SLC39A10: variants seen among roughly 807,000 people sequenced by gnomAD.
The protein encoded by SLC39A10 is zinc transporter ZIP10.
A neutral mutation model predicts 65.1 loss-of-function variants in SLC39A10; 13 were observed. The ratio of observed to expected loss-of-function variants is 0.20; its 90% confidence interval spans 0.13 to 0.32. SLC39A10 has a LOEUF of 0.32. Ranked by LOEUF, SLC39A10 falls within the 10% of genes least tolerant of loss-of-function variation. The probability of loss-of-function intolerance (pLI) is 1.00; values close to 1 mark genes in which losing one functional copy is unlikely to be tolerated. For missense variants in SLC39A10, 831 were observed against 1,018.4 expected (o/e 0.82, Z 2.50); for synonymous variants, 321 against 342.2 (o/e 0.94, Z 0.68).
intron 6 of SLC39A10, among the ~76,000 whole-genome samples, chr2:195,713,980 G>A (rs1451161176): frequency 1.3e-5 from 2 of 151,660 alleles, no homozygotes; most frequent in Non-Finnish European, 2.9e-5. Context: ...AGGCTGGAGT[G>A]CAGTAGCGCC....
At chr2:195,721,112 T>C (rs1287561633) in intron 8 of SLC39A10, among the ~76,000 whole-genome samples, 1 of 152,012 alleles carries the variant, frequency 6.6e-6, no homozygotes, top group African/African-American at 2.4e-5. Context: ...CAGCTAATTT[T>C]TGTATTTTTG....
At chr2:195,636,110 T>C (rs1187137431) in intron 2 of SLC39A10, among the ~76,000 whole-genome samples, 1 of 152,224 alleles carries the variant, frequency 6.6e-6, no homozygotes, top group Non-Finnish European at 1.5e-5. Flanking sequence ...TTTAATGTAG[T>C]ATTAAAGAAG....
At chr2:195,691,098 C>G (rs1033534143) in intron 3 of SLC39A10, among the ~76,000 whole-genome samples, 1 of 152,054 alleles carries the variant, frequency 6.6e-6, no homozygotes, top group Non-Finnish European at 1.5e-5. Context: ...TGAGAACATA[C>G]GATGTTTGGT....
intron 2 of SLC39A10, among the ~76,000 whole-genome samples, chr2:195,616,672 C>T (rs1354805166): frequency 2.0e-5 from 3 of 151,532 alleles, no homozygotes; most frequent in South Asian, 2.1e-4. Context: ...GGTGCCATCT[C>T]GGCTCACTGC....
At chr2:195,658,446 G>T (rs1689253542) in intron 1 of SLC39A10, 1 of 152,134 alleles carries the variant, frequency 6.6e-6, no homozygotes, top group Non-Finnish European at 1.5e-5. Flanking sequence ...TTTTTTAAAA[G>T]AAACTTTTAT....
intron 8 of SLC39A10, among the ~76,000 whole-genome samples, chr2:195,726,598 A>G (rs1467003654): frequency 1.3e-5 from 2 of 152,304 alleles, no homozygotes; most frequent in African/African-American, 4.8e-5. Context: ...AAACTGGACA[A>G]TTACAACTTA....
intron 1 of SLC39A10, among the ~76,000 whole-genome samples, chr2:195,668,174 A>G (rs1689708583): frequency 1.3e-5 from 2 of 152,212 alleles, no homozygotes; most frequent in Non-Finnish European, 2.9e-5. Flanking sequence ...AGGAAACTAA[A>G]TTGATATTTG....
chr2:195,734,253 C>T (rs555576113), intron 9 of SLC39A10, among the ~76,000 whole-genome samples: 28 of 151,160 alleles, frequency 1.9e-4, no homozygotes, highest in African/African-American at 6.6e-4. Flanking sequence ...TCACTGCAAC[C>T]TTTGCCTCCC....
At chr2:195,638,474 A>C (rs1688736221) in intron 2 of SLC39A10, among the ~76,000 whole-genome samples, 1 of 151,838 alleles carries the variant, frequency 6.6e-6, no homozygotes, top group Non-Finnish European at 1.5e-5. Flanking sequence ...CGAGTAGCTG[A>C]GACTACAGGC....
chr2:195,657,319 C>T lies in SLC39A10; in HGVS notation c.-12+38C>T, dbSNP rs571773548. The T allele has an allele frequency of 6.5e-6, 6 of 925,326 alleles. No individual in the cohort carries two copies. In the South Asian group the frequency reaches 3.0e-4, roughly 46 times the overall value. 57.3% of individuals were successfully genotyped at this position (925,326 alleles called of 1,614,324 possible). A position where few individuals can be genotyped will look rare whatever the true frequency, so the allele number is the denominator to read the frequency against. On this transcript the variant is annotated intron_variant, in intron 1 of 9. Transcript: ENST00000359634. ...CCCCGATTTGTTTACATTCCCTCCC[C>T]CAGAACCGGCCCCGTGCGCGGCGGA...
chr2:195,733,421 T>C (rs746054443), intron 9 of SLC39A10, among the ~76,000 whole-genome samples: 3 of 152,238 alleles, frequency 2.0e-5, no homozygotes, highest in Non-Finnish European at 2.9e-5. Flanking sequence ...TCCACAAATC[T>C]TATTTACTTA....
In SLC39A10 at chr2:195,728,166, T is replaced by C; in HGVS notation, c.2154T>C (p.Phe718=). The C allele has an allele frequency of 6.2e-7, 1 of 1,607,692 alleles. No homozygotes were observed. Among genetic ancestry groups the C allele is most frequent in the Non-Finnish European group, 8.5e-7 (1 of 1,175,380 alleles). ...CHELPHELGD[F]AVLLKAGMTV... ...ATTGTTTCTTAATTGCAGGAGATTT[T>C]GCAGTTCTTCTTAAAGCAGGCATGA... Residue 718 remains phenylalanine, a synonymous_variant, in exon 9 of 10, where the codon TTT becomes TTC. Coordinates refer to ENST00000359634, the MANE Select transcript of SLC39A10 (RefSeq NM_020342.3). This position sits in a 1 kb window ranked among gnomAD's most constrained non-coding sequence, Gnocchi z 4.4.
At chr2:195,663,708 A>G (rs1559021885) in intron 1 of SLC39A10, among the ~76,000 whole-genome samples, 2 of 107,916 alleles carry the variant, frequency 1.9e-5, no homozygotes, top group Non-Finnish European at 4.6e-5. Flanking sequence ...TTATGAAAAA[A>G]AAAGAAATAA....
chr2:195,731,963 T>C (rs1048336071), intron 9 of SLC39A10, among the ~76,000 whole-genome samples: 48 of 152,300 alleles, frequency 3.2e-4, no homozygotes, highest in Admixed American at 1.6e-3. Context: ...TGCAGTAGTA[T>C]TTATAATGTC....
intron 1 of SLC39A10, among the ~76,000 whole-genome samples, chr2:195,668,131 G>A (rs927744606): frequency 1.3e-5 from 2 of 152,100 alleles, no homozygotes; most frequent in Non-Finnish European, 2.9e-5. Context: ...CTGCTTCTCT[G>A]TTACTCTGTG....
chr2:195,720,471 G>A (rs1398784905), intron 8 of SLC39A10, among the ~76,000 whole-genome samples: 1 of 152,180 alleles, frequency 6.6e-6, no homozygotes, highest in Admixed American at 6.5e-5. Context: ...GAATATGCAA[G>A]GGATTTCTTC....
intron 9 of SLC39A10, among the ~76,000 whole-genome samples, chr2:195,730,881 T>C (rs867893043): frequency 5.3e-5 from 8 of 152,180 alleles, no homozygotes; most frequent in African/African-American, 1.9e-4. Context: ...TTGAGTGTTG[T>C]CCTTTGACTC....
intron 1 of SLC39A10, among the ~76,000 whole-genome samples, chr2:195,674,949 T>C (rs1690026547): frequency 6.6e-6 from 1 of 152,170 alleles, no homozygotes. Flanking sequence ...GGCACTAATA[T>C]GAATGGAGCT....
At chr2:195,685,701 T>C (rs1211693705) in intron 3 of SLC39A10, among the ~76,000 whole-genome samples, 1 of 152,218 alleles carries the variant, frequency 6.6e-6, no homozygotes, top group South Asian at 2.1e-4. Context: ...GGCTAAATTA[T>C]GTTCCCTTCC....
Sources: gnomAD v4.1 joint callset for allele counts (sites outside exome capture counted in the v4.1 genomes callset) on GRCh38, gnomAD v4.1.1 for gene constraint, Gnocchi (gnomAD v3.1) non-coding constraint, MANE v1.5 for transcripts, NCBI Gene and HGNC (gene_info 2026-07-23, HGNC 2026-07-21) for gene names.